The following PDE8B variants were observed in gnomAD, a reference collection of about 807,000 sequenced individuals.
PDE8B encodes high affinity cAMP-specific and IBMX-insensitive 3',5'-cyclic phosphodiesterase 8B.
PDE8B carries 26 observed loss-of-function variants against 101.3 expected under a neutral mutation model. That is an observed-to-expected ratio of 0.26 (90% CI 0.19 to 0.36). PDE8B has a LOEUF of 0.36. PDE8B is among the 10% of genes least tolerant of loss of function. The pLI is 1.00. For synonymous variants in PDE8B, 424 were observed against 429.3 expected, an observed-to-expected ratio of 0.99 and a Z score of 0.15; for missense variants, 810 against 1,163.1, an observed-to-expected ratio of 0.70 and a Z score of 4.42.
At chr5:77,149,112 C>T in the PDE8B span, among the ~76,000 whole-genome samples, 8 of 152,140 alleles carry the variant, frequency 5.3e-5, no homozygotes, top group Non-Finnish European at 1.0e-4. Flanking sequence ...GGATCACTTG[C>T]TGAGAAAAGA....
In PDE8B at chr5:77,402,407, A is replaced by C. The variant is rs994856805; in HGVS notation, c.1210+2117A>C. Among the ~76,000 whole-genome samples, 3 of 152,322 alleles carry C rather than the reference A, an allele frequency of 2.0e-5. No individual in the cohort carries two copies. In the South Asian group the frequency reaches 6.2e-4, roughly 32 times the overall value. ...GTGCTATAGCTATGGTGTTCAGATT[A>C]ACTTTATAATAGTTCCGCTTTCACT... is the stretch of plus-strand genomic sequence containing the variant. On this transcript the variant is annotated intron_variant, in intron 11 of 21. Coordinates refer to ENST00000264917, the MANE Select transcript of PDE8B (RefSeq NM_003719.5).
chr5:77,164,083 G>GAA, the PDE8B span, among the ~76,000 whole-genome samples: 1 of 152,232 alleles, frequency 6.6e-6, no homozygotes, highest in East Asian at 1.9e-4. Context: ...GAGAGTCCTT[G>GAA]GAAGAAGAAG....
chr5:77,382,514 G>A (rs530548526), intron 10 of PDE8B, among the ~76,000 whole-genome samples: 67 of 152,066 alleles, frequency 4.4e-4, no homozygotes, highest in Non-Finnish European at 9.1e-4. Flanking sequence ...CATGTGCCAT[G>A]GTGGTTTCCT....
chr5:77,218,648 T>C (rs1330829019), intron 1 of PDE8B, among the ~76,000 whole-genome samples: 2 of 152,198 alleles, frequency 1.3e-5, no homozygotes, highest in Admixed American at 6.5e-5. Context: ...TTCTATTAAC[T>C]TGAACTAGAG....
At chr5:77,241,893 A>G (rs1755839976) in intron 1 of PDE8B, among the ~76,000 whole-genome samples, 1 of 152,246 alleles carries the variant, frequency 6.6e-6, no homozygotes, top group Non-Finnish European at 1.5e-5. Context: ...TGGAAAAGAT[A>G]GCAGAAAAAA....
chr5:77,293,754 C>A (rs1255457701), intron 1 of PDE8B, among the ~76,000 whole-genome samples: 1 of 152,228 alleles, frequency 6.6e-6, no homozygotes, highest in Non-Finnish European at 1.5e-5. Flanking sequence ...TGCTTGCCAG[C>A]AATTAACATT....
upstream of PDE8B, among the ~76,000 whole-genome samples, chr5:77,208,207 A>T (rs567951598): frequency 6.6e-6 from 1 of 152,018 alleles, no homozygotes; most frequent in South Asian, 2.1e-4. Context: ...GTTTCATCAC[A>T]GTCTTCTTGC....
chr5:77,325,660 A>T lies in PDE8B; in HGVS notation c.521A>T (p.Asp174Val). 6.2e-7 allele frequency: 1 copy of T among 1,613,512 alleles called. No homozygotes were observed. Among genetic ancestry groups the T allele is most frequent in the Non-Finnish European group, 8.5e-7 (1 of 1,179,416 alleles). ...TPESALECFL[D>V]KHHEIIVIDH... is the part of the protein sequence containing the mutation. ...GAGTCAGCCCTTGAATGCTTTCTTG[A>T]TAAGCATCATGAAATTATTGTAATT... Residue 174 changes from aspartate to valine, a missense_variant, in exon 3 of 22, where the codon GAT becomes GTT. Physicochemically the swap from Asp to Val is radical, Grantham distance 152 (BLOSUM62 -3). This residue lies in a region of PDE8B where 251 missense variants were observed against 378.8 expected (regional missense o/e 0.66). Transcript: ENST00000264917.
the PDE8B span, among the ~76,000 whole-genome samples, chr5:77,171,037 G>A: frequency 6.6e-6 from 1 of 152,194 alleles, no homozygotes; most frequent in Non-Finnish European, 1.5e-5. Flanking sequence ...CGAATCAGGA[G>A]TATATGATAT....
Position 77,344,999 on chromosome 5 carries a change from T to C in PDE8B, c.876+68T>C, listed in dbSNP as rs554507230. On this transcript the variant is annotated intron_variant, in intron 7 of 21. Coordinates refer to ENST00000264917, the MANE Select transcript of PDE8B (RefSeq NM_003719.5). ...CCTTTCAGGTTTAAGCCACACTTTT[T>C]ATCAAGTACTTTCCCATCATCCTCA... is the stretch of plus-strand genomic sequence containing the variant. The C allele has an allele frequency of 2.5e-5, 25 of 985,296 alleles. No homozygotes were observed. The East Asian group carries it at 5.2e-4, about 21-fold the overall frequency. The allele number at this position is 985,296 out of a possible 1,614,324, so 61.0% of individuals were successfully genotyped here. A position where few individuals can be genotyped will look rare whatever the true frequency, so the allele number is the denominator to read the frequency against.
chr5:77,385,590 A>G (rs545080339), intron 10 of PDE8B, among the ~76,000 whole-genome samples: 147 of 151,912 alleles, frequency 9.7e-4, no homozygotes, highest in African/African-American at 3.5e-3. Flanking sequence ...GATCTTTCCT[A>G]CTTTCTCTTG....
At chr5:77,407,486 C>CA (rs1350577757) in intron 13 of PDE8B, 29 bp downstream of exon 13, 9 of 1,517,846 alleles carry the variant, frequency 5.9e-6, no homozygotes, top group Non-Finnish European at 7.3e-6. Context: ...CTGCACTCTG[C>CA]AGTCAGGGGC....
At chr5:77,347,995 T>A (rs1780450318) in intron 7 of PDE8B, among the ~76,000 whole-genome samples, 1 of 151,496 alleles carries the variant, frequency 6.6e-6, no homozygotes, top group African/African-American at 2.4e-5. Flanking sequence ...CAGGAGGGGG[T>A]CTGGAGATCC....
chr5:77,253,337 G>A (rs1192112432), intron 1 of PDE8B, among the ~76,000 whole-genome samples: 1 of 152,172 alleles, frequency 6.6e-6, no homozygotes, highest in Non-Finnish European at 1.5e-5. Context: ...TGAGGTTGGA[G>A]AGGAAAGACT....
chr5:77,245,842 C>T (rs1756773308), intron 1 of PDE8B, among the ~76,000 whole-genome samples: 1 of 43,612 alleles, frequency 2.3e-5, no homozygotes, highest in African/African-American at 1.5e-4. Context: ...AACCTCCTCC[C>T]CCCCCCGCCC....
At chr5:77,204,335 T>C in the PDE8B span, among the ~76,000 whole-genome samples, 3 of 150,036 alleles carry the variant, frequency 2.0e-5, no homozygotes, top group Non-Finnish European at 3.0e-5. Flanking sequence ...CACTTGAACC[T>C]GGGAGGCGGA....
chr5:77,136,892 G>A, the PDE8B span, among the ~76,000 whole-genome samples: 6 of 152,098 alleles, frequency 3.9e-5, no homozygotes, highest in South Asian at 1.2e-3. Flanking sequence ...CACTTTTTTT[G>A]GGCTATGGGT....
the PDE8B span, among the ~76,000 whole-genome samples, chr5:77,154,977 G>A: frequency 6.6e-6 from 1 of 152,172 alleles, no homozygotes; most frequent in African/African-American, 2.4e-5. Context: ...TTAAGTGTCT[G>A]CGCAAGTGTG....
chr5:77,274,684 G>GT (rs1763490819), intron 1 of PDE8B, among the ~76,000 whole-genome samples: 2 of 152,060 alleles, frequency 1.3e-5, no homozygotes, highest in South Asian at 4.2e-4. Flanking sequence ...CAAATAACTA[G>GT]TAAAGGCACA....
Sources: allele counts gnomAD v4.1 joint callset (sites outside exome capture counted in the v4.1 genomes callset), GRCh38; gene constraint gnomAD v4.1.1; regional missense constraint gnomAD v4.1.1; transcripts MANE v1.5; gene names NCBI Gene and HGNC (gene_info 2026-07-23, HGNC 2026-07-21).